The following STXBP5L variants were observed in gnomAD, a reference collection of about 807,000 sequenced individuals.
The protein encoded by STXBP5L is syntaxin-binding protein 5-like.
In STXBP5L, 65 loss-of-function variants were observed where a neutral mutation model predicts 144.5. That is an observed-to-expected ratio of 0.45 (90% CI 0.37 to 0.55). STXBP5L has a LOEUF of 0.55. Among genes scored for constraint, STXBP5L ranks in the 20% least tolerant of loss-of-function variants. The pLI, the probability that STXBP5L is intolerant of heterozygous loss-of-function variation, is 0.00. For synonymous variants in STXBP5L, 505 were observed against 469.6 expected (o/e 1.08, Z -0.97); for missense variants, 1,298 against 1,405.5 (o/e 0.92, Z 1.22).
rs1051720288 is a variant in STXBP5L, at chr3:120,979,280, G to A, written c.287+24243G>A. Among the ~76,000 whole-genome samples, 67 of 152,258 alleles carry A rather than the reference G, an allele frequency of 4.4e-4. 1 individual carries two copies. The highest frequency in any genetic ancestry group is 1.3e-3 in the African/African-American group (52 of 41,552). On this transcript the variant is annotated intron_variant, in intron 3 of 26. Coordinates refer to ENST00000471454, the MANE Select transcript of STXBP5L (RefSeq NM_001308330.2). ...GTGCCCCTCCCCCAGCCTCACTGCC[G>A]CCTTGCAGTTTGATCTCAGACTGCT...
At chr3:121,007,154 T>C (rs74322251) in intron 3 of STXBP5L, among the ~76,000 whole-genome samples, 1 of 152,126 alleles carries the variant, frequency 6.6e-6, no homozygotes, top group African/African-American at 2.4e-5. Flanking sequence ...ATTATACTTT[T>C]ACATTTTTAA....
intron 16 of STXBP5L, among the ~76,000 whole-genome samples, chr3:121,255,339 T>C (rs1032966178): frequency 2.8e-4 from 43 of 152,096 alleles, no homozygotes; most frequent in Non-Finnish European, 4.4e-4. Context: ...TTTTTTTCAA[T>C]GTCAAAACAA....
At chr3:120,950,008 T>C (rs1711100699) in intron 2 of STXBP5L, among the ~76,000 whole-genome samples, 1 of 151,970 alleles carries the variant, frequency 6.6e-6, no homozygotes, top group Admixed American at 6.6e-5. Context: ...CTTTCCACAG[T>C]GTAGACATAC....
intron 19 of STXBP5L, 84 bp downstream of exon 19, chr3:121,280,040 T>C: frequency 3.4e-6 from 5 of 1,470,598 alleles, no homozygotes; most frequent in Non-Finnish European, 4.6e-6. Flanking sequence ...TCTTCTCTGA[T>C]ACTATTCAAA....
chr3:121,413,418 T>C (rs990446088), intron 24 of STXBP5L, 95 bp downstream of exon 24: 19 of 1,143,740 alleles, frequency 1.7e-5, no homozygotes, highest in Non-Finnish European at 2.3e-5. Flanking sequence ...GGTCAGACAA[T>C]AATTATGCCC....
chr3:121,295,406 T>C (rs1546348), intron 19 of STXBP5L, among the ~76,000 whole-genome samples: 15,127 of 152,202 alleles, frequency 0.099, 1,189 homozygotes, highest in Admixed American at 0.2. Context: ...TGATTTTCAG[T>C]TCAGTATTTT....
intron 2 of STXBP5L, among the ~76,000 whole-genome samples, chr3:120,910,685 A>T (rs1350046271): frequency 6.6e-6 from 1 of 152,168 alleles, no homozygotes; most frequent in Non-Finnish European, 1.5e-5. Context: ...CTTTCACAAA[A>T]GAAAAGTTTT....
intron 7 of STXBP5L, among the ~76,000 whole-genome samples, chr3:121,140,016 G>A (rs941351506): frequency 1.3e-5 from 2 of 151,958 alleles, no homozygotes; most frequent in Non-Finnish European, 2.9e-5. Context: ...ACATGTGGAA[G>A]AATGACATGA....
intron 22 of STXBP5L, among the ~76,000 whole-genome samples, chr3:121,382,273 A>G (rs557608022): frequency 1.3e-5 from 2 of 152,154 alleles, no homozygotes; most frequent in South Asian, 2.1e-4. Context: ...AAGGATATAT[A>G]TTATATAGAA....
chr3:121,311,553 C>CAA (rs1280740269), intron 19 of STXBP5L, among the ~76,000 whole-genome samples: 4 of 152,066 alleles, frequency 2.6e-5, no homozygotes, highest in African/African-American at 9.7e-5. Context: ...CAATAACAGA[C>CAA]AAACAGAGAG....
chr3:121,121,561 T>G (rs1421106526), intron 6 of STXBP5L, 80 bp from the exon 7 acceptor site: 5 of 1,021,170 alleles, frequency 4.9e-6, no homozygotes, highest in Non-Finnish European at 7.4e-6. Context: ...CAGTGTAATC[T>G]TAATTTCTTT....
intron 3 of STXBP5L, among the ~76,000 whole-genome samples, chr3:120,997,222 T>G (rs1429049631): frequency 1.3e-5 from 2 of 152,214 alleles, no homozygotes; most frequent in South Asian, 2.1e-4. Flanking sequence ...TCCATGTCTT[T>G]CCTATTGTGA....
intron 22 of STXBP5L, among the ~76,000 whole-genome samples, chr3:121,389,129 G>A (rs1435025811): frequency 1.3e-5 from 2 of 152,200 alleles, no homozygotes; most frequent in African/African-American, 4.8e-5. Flanking sequence ...GAGGGTGTAT[G>A]TGTCCAGGAA....
intron 2 of STXBP5L, among the ~76,000 whole-genome samples, chr3:120,920,870 T>C (rs1709328910): frequency 6.6e-6 from 1 of 151,976 alleles, no homozygotes; most frequent in African/African-American, 2.4e-5. Flanking sequence ...TACCATATTT[T>C]CTTTATCCAT....
At chr3:121,197,966 G>T (rs145029267) in intron 9 of STXBP5L, among the ~76,000 whole-genome samples, 262 of 152,314 alleles carry the variant, frequency 1.7e-3, no homozygotes, top group African/African-American at 5.5e-3. Context: ...ATGCATGCAT[G>T]TGTCTTTATA....
At chr3:121,407,676 G>C in intron 23 of STXBP5L, 73 bp downstream of exon 23, 1 of 1,574,062 alleles carries the variant, frequency 6.4e-7, no homozygotes, top group Non-Finnish European at 8.6e-7. Flanking sequence ...AAATATATGT[G>C]TTATGTGCAG....
chr3:121,126,146 C>T (rs751869392), intron 7 of STXBP5L, among the ~76,000 whole-genome samples: 3 of 152,156 alleles, frequency 2.0e-5, no homozygotes. Context: ...TTTGTACACA[C>T]TTCTGGTTAA....
chr3:120,990,272 G>A (rs1220870407), intron 3 of STXBP5L, among the ~76,000 whole-genome samples: 2 of 152,114 alleles, frequency 1.3e-5, no homozygotes, highest in Non-Finnish European at 2.9e-5. Context: ...ACCTCTTCAA[G>A]GAGAACTACA....
At chr3:121,123,520 C>G (rs1047767475) in intron 7 of STXBP5L, among the ~76,000 whole-genome samples, 2 of 151,166 alleles carry the variant, frequency 1.3e-5, no homozygotes, top group Non-Finnish European at 3.0e-5. Flanking sequence ...TATAAAACCA[C>G]TTGAACATTG....
Sources: allele counts gnomAD v4.1 joint callset (sites outside exome capture counted in the v4.1 genomes callset), GRCh38; gene constraint gnomAD v4.1.1; transcripts MANE v1.5; gene names NCBI Gene and HGNC (gene_info 2026-07-23, HGNC 2026-07-21).